NALF1: variants seen among roughly 807,000 people sequenced by gnomAD.
NALF1 encodes the protein NALCN channel auxiliary factor 1.
NALF1 carries 3 observed loss-of-function variants against 48.4 expected under a neutral mutation model. The ratio of observed to expected loss-of-function variants is 0.06; its 90% confidence interval spans 0.03 to 0.16. The LOEUF is 0.16. Ranked by LOEUF, NALF1 falls within the 10% of genes least tolerant of loss-of-function variation. NALF1 has a pLI of 1.00. For synonymous variants in NALF1, 262 were observed against 245.7 expected, an observed-to-expected ratio of 1.07 and a Z score of -0.62; for missense variants, 526 against 571.5, an observed-to-expected ratio of 0.92 and a Z score of 0.81.
intron 1 of NALF1, among the ~76,000 whole-genome samples, chr13:107,585,547 T>C (rs979901449): frequency 6.6e-6 from 1 of 152,160 alleles, no homozygotes; most frequent in African/African-American, 2.4e-5. Flanking sequence ...AAATATGAAA[T>C]ATTGGACAAA....
chr13:107,535,864 G>A (rs1876789772), intron 1 of NALF1, among the ~76,000 whole-genome samples: 1 of 152,202 alleles, frequency 6.6e-6, no homozygotes, highest in African/African-American at 2.4e-5. Flanking sequence ...GCATGGTACT[G>A]GTACCAAAAC....
At chr13:107,413,988 T>C (rs35757180) in intron 1 of NALF1, among the ~76,000 whole-genome samples, 32,548 of 152,020 alleles carry the variant, frequency 0.21, 3,937 homozygotes, top group Non-Finnish European at 0.27. Flanking sequence ...GGTTTCACCA[T>C]GTTGGCCAGG....
chr13:107,318,924 T>C (rs901041821), intron 1 of NALF1, among the ~76,000 whole-genome samples: 8 of 152,150 alleles, frequency 5.3e-5, no homozygotes, highest in Non-Finnish European at 1.2e-4. Context: ...GCCATTTGTA[T>C]GTCCATTTAT....
intron 1 of NALF1, among the ~76,000 whole-genome samples, chr13:107,864,545 G>A (rs796866133): frequency 6.6e-6 from 1 of 152,226 alleles, no homozygotes; most frequent in Non-Finnish European, 1.5e-5. Context: ...GAAAGTAGGA[G>A]AGAAAGAGAG....
At chr13:107,398,098 A>AT (rs1250183934) in intron 1 of NALF1, among the ~76,000 whole-genome samples, 7 of 152,150 alleles carry the variant, frequency 4.6e-5, no homozygotes, top group African/African-American at 1.7e-4. Context: ...AGAATTGGGC[A>AT]TTTTTTTCTC....
chr13:107,239,994 T>C (rs1453216687), intron 1 of NALF1, among the ~76,000 whole-genome samples: 1 of 152,160 alleles, frequency 6.6e-6, no homozygotes, highest in Non-Finnish European at 1.5e-5. Flanking sequence ...CTGCATTAAA[T>C]CAAATCTGGT....
intron 1 of NALF1, among the ~76,000 whole-genome samples, chr13:107,468,306 G>A (rs1274738868): frequency 1.3e-5 from 2 of 152,168 alleles, no homozygotes; most frequent in Non-Finnish European, 2.9e-5. Flanking sequence ...CAAAAAGTTT[G>A]ATTCCATTCA....
chr13:107,500,417 T>C (rs1223621), intron 1 of NALF1, among the ~76,000 whole-genome samples: 53,221 of 151,546 alleles, frequency 0.35, 10,441 homozygotes, highest in African/African-American at 0.52. Flanking sequence ...CCATCTCACA[T>C]CAGTTAGAAT....
chr13:107,305,607 A>T (rs1566480270), intron 1 of NALF1, among the ~76,000 whole-genome samples: 1 of 152,216 alleles, frequency 6.6e-6, no homozygotes, highest in South Asian at 2.1e-4. Flanking sequence ...CCTGAGTCCC[A>T]TACAATGTCA....
At chr13:107,308,864 C>T (rs1486427195) in intron 1 of NALF1, among the ~76,000 whole-genome samples, 1 of 152,228 alleles carries the variant, frequency 6.6e-6, no homozygotes, top group Non-Finnish European at 1.5e-5. Flanking sequence ...TTGTTTTTCT[C>T]AAGACATTCC....
chr13:107,767,648 G>A (rs750914982), intron 1 of NALF1, among the ~76,000 whole-genome samples: 47 of 152,130 alleles, frequency 3.1e-4, no homozygotes, highest in Non-Finnish European at 5.4e-4. Flanking sequence ...TTATCGGTAC[G>A]CTGCTAATGG....
intron 1 of NALF1, among the ~76,000 whole-genome samples, chr13:107,739,287 G>A (rs1039984229): frequency 4.6e-5 from 7 of 151,304 alleles, no homozygotes; most frequent in Admixed American, 2.6e-4. Context: ...TAACAAACCC[G>A]CACGTCCTGC....
At position 107,711,670 on chromosome 13, in the gene NALF1, C is replaced by T. The variant is rs1314175548; in HGVS notation, c.915+154012G>A. ...CCTTCCTTAGCACATTGGGAATATCCGTGTTCCATAAGGTCTGTGTGGTAG... is the reference window on the plus strand; with the variant it reads ...CCTTCCTTAGCACATTGGGAATATCTGTGTTCCATAAGGTCTGTGTGGTAG... On this transcript the variant is annotated intron_variant, in intron 1 of 2. Transcript: ENST00000375915. Among the ~76,000 whole-genome samples, 6 of 152,144 alleles carry T rather than the reference C, an allele frequency of 3.9e-5. No homozygotes were observed. In the East Asian group the frequency reaches 7.7e-4, roughly 20 times the overall value.
intron 1 of NALF1, among the ~76,000 whole-genome samples, chr13:107,258,198 C>G (rs1182261601): frequency 6.6e-6 from 1 of 152,140 alleles, no homozygotes; most frequent in Non-Finnish European, 1.5e-5. Context: ...CTCCATGTAT[C>G]TGATTATAGG....
intron 2 of NALF1, among the ~76,000 whole-genome samples, chr13:107,197,193 A>G (rs1237046826): frequency 6.6e-6 from 1 of 151,826 alleles, no homozygotes; most frequent in African/African-American, 2.4e-5. Flanking sequence ...TAAACCTTGG[A>G]CCTCCCAGCC....
chr13:107,452,482 G>T (rs1884758737), intron 1 of NALF1, among the ~76,000 whole-genome samples: 1 of 152,076 alleles, frequency 6.6e-6, no homozygotes, highest in Non-Finnish European at 1.5e-5. Flanking sequence ...GATCTCATGA[G>T]AACTCACTCA....
chr13:107,666,824 G>A (rs1026697633), intron 1 of NALF1, among the ~76,000 whole-genome samples: 2 of 151,868 alleles, frequency 1.3e-5, no homozygotes, highest in Non-Finnish European at 2.9e-5. Flanking sequence ...TCCAAGATTC[G>A]CCATAAATTT....
At position 107,170,276 on chromosome 13, in the gene NALF1, A is replaced by G. The variant is rs1190934248; in HGVS notation, c.*221T>C. 1 of 511,536 alleles carries G rather than the reference A, an allele frequency of 2.0e-6. No individual in the cohort carries two copies. Among genetic ancestry groups the G allele is most frequent in the East Asian group, 3.0e-5 (1 of 33,602 alleles). The allele number at this position is 511,536 out of a possible 1,614,324, so 31.7% of individuals were successfully genotyped here. A position where few individuals can be genotyped will look rare whatever the true frequency, so the allele number is the denominator to read the frequency against. ...CTCCAAACATTAAAACACAGTGTAT[A>G]AAATGGTGTGAGAAATTTAAAGTCA... On this transcript the variant is annotated 3_prime_UTR_variant, in exon 3 of 3. Transcript: ENST00000375915.
chr13:107,826,192 AAG>A (rs1186040998), intron 1 of NALF1, among the ~76,000 whole-genome samples: 3 of 152,262 alleles, frequency 2.0e-5, no homozygotes, highest in Non-Finnish European at 4.4e-5. Context: ...AAAGCAGAGA[AAG>A]AGACGGAACA....
Sources: allele counts gnomAD v4.1 joint callset (sites outside exome capture counted in the v4.1 genomes callset), GRCh38; gene constraint gnomAD v4.1.1; transcripts MANE v1.5; gene names NCBI Gene and HGNC (gene_info 2026-07-23, HGNC 2026-07-21).